The following ZNF442 variants were observed in gnomAD, a reference collection of about 807,000 sequenced individuals.
The protein encoded by ZNF442 is zinc finger protein 442.
In ZNF442, 45 loss-of-function variants were observed where a neutral mutation model predicts 57.0. The observed-to-expected ratio is 0.79, with a 90% CI of 0.62 to 1.01. The LOEUF (loss-of-function observed/expected upper bound fraction) is 1.01. Among genes scored for constraint, ZNF442 ranks in the 50% least tolerant of loss-of-function variants. The probability of loss-of-function intolerance (pLI) is 0.00; values close to 1 mark genes in which losing one functional copy is unlikely to be tolerated. For synonymous variants in ZNF442, 213 were observed against 241.8 expected (o/e 0.88, Z 1.10); for missense variants, 690 against 756.5 (o/e 0.91, Z 1.03).
chr19:12,370,560 C>A (rs1370289059), upstream of ZNF442, among the ~76,000 whole-genome samples: 2 of 151,990 alleles, frequency 1.3e-5, no homozygotes, highest in African/African-American at 2.4e-5. Context: ...TTGAGCAGGC[C>A]TTATCTTATT....
chr19:12,351,095 A>C lies in ZNF442; in HGVS notation c.490T>G (p.Tyr164Asp), dbSNP rs1361270974. ...TCCTGTGTTTGAAAGGAGTGGTGAT[A>C]ATTGAAGGCTGTCCCACATTGTTTA... ...THKQCGTAFN[Y>D]HHSFQTQERP... Residue 164 changes from tyrosine to aspartate, a missense_variant, in exon 6 of 6, where the codon TAT (tyrosine) becomes GAT (aspartate). Coordinates refer to ENST00000242804, the MANE Select transcript of ZNF442 (RefSeq NM_030824.3). The C allele has an allele frequency of 6.2e-7, 1 of 1,614,174 alleles. No individual in the cohort carries two copies. The highest frequency in any genetic ancestry group is 1.7e-5 in the Admixed American group (1 of 60,018).
In ZNF442 at chr19:12,351,007, G is replaced by A. The variant is rs565485040; in HGVS notation, c.578C>T (p.Ser193Leu). The A allele has an allele frequency of 3.2e-5, 52 of 1,613,866 alleles. No individual in the cohort carries two copies. Among genetic ancestry groups the A allele is most frequent in the Middle Eastern group, 1.6e-4 (1 of 6,062 alleles). The change falls in exon 6 of 6, where the codon TCG becomes TTG. Residue 193 changes from serine to leucine, a missense_variant. Coordinates refer to ENST00000242804, the MANE Select transcript of ZNF442 (RefSeq NM_030824.3). ...CKECGKTFSS[S>L]GNLRRHIIVQ... ...TATTATGTGTCTTCGAAGGTTTCCC[G>A]AAGAACTGAAGGTTTTCCCACATTC...
chr19:12,373,517 G>A, the ZNF442 span: 1 of 153,572 alleles, frequency 6.5e-6, no homozygotes, highest in Non-Finnish European at 1.5e-5. Context: ...ACTCCAGCCT[G>A]GGTGACAAAG....
chr19:12,357,702 G>T (rs1277939755), intron 3 of ZNF442, among the ~76,000 whole-genome samples: 1 of 152,022 alleles, frequency 6.6e-6, no homozygotes, highest in Admixed American at 6.6e-5. Context: ...ATCCTGAAAT[G>T]TGCATTCCTT....
the ZNF442 span, chr19:12,373,659 A>G: frequency 3.2e-6 from 1 of 309,024 alleles, no homozygotes; most frequent in Non-Finnish European, 6.6e-6. Context: ...TGATCCGGAA[A>G]TATGGTCTCA....
intron 5 of ZNF442, among the ~76,000 whole-genome samples, chr19:12,351,567 A>G (rs1277464711): frequency 6.6e-6 from 1 of 151,986 alleles, no homozygotes; most frequent in Non-Finnish European, 1.5e-5. Context: ...GTGCAGTGGC[A>G]TGATCTCAGC....
At chr19:12,360,896 A>T (rs140495602) in intron 3 of ZNF442, among the ~76,000 whole-genome samples, 85 of 152,294 alleles carry the variant, frequency 5.6e-4, no homozygotes, top group African/African-American at 2.0e-3. Flanking sequence ...ATAAAAAAAT[A>T]AAAAATAAAG....
chr19:12,351,630 C>T (rs894922972), intron 5 of ZNF442, among the ~76,000 whole-genome samples: 5 of 152,220 alleles, frequency 3.3e-5, no homozygotes, highest in African/African-American at 9.6e-5. Context: ...CTCAGCCGCC[C>T]GAGTAACTGG....
chr19:12,357,176 A>G (rs1311612354), intron 3 of ZNF442, among the ~76,000 whole-genome samples: 2 of 151,584 alleles, frequency 1.3e-5, no homozygotes, highest in African/African-American at 4.9e-5. Context: ...TCAATTAAAT[A>G]TTTTTCATTA....
At chr19:12,364,722 C>CCGCA (rs1969501898) in intron 2 of ZNF442, 80 bp downstream of exon 2, 1 of 152,292 alleles carries the variant, frequency 6.6e-6, no homozygotes. Flanking sequence ...ACTGGGGACC[C>CCGCA]CGCAGACCAC....
chr19:12,352,402 G>A (rs1212092543), intron 4 of ZNF442, among the ~76,000 whole-genome samples: 1 of 152,026 alleles, frequency 6.6e-6, no homozygotes, highest in Non-Finnish European at 1.5e-5. Flanking sequence ...ATTTTTAGTA[G>A]AGACGGGGTT....
At chr19:12,368,870 G>A (rs779911193), upstream of ZNF442, among the ~76,000 whole-genome samples, 2 of 152,126 alleles carry the variant, frequency 1.3e-5, no homozygotes, top group Non-Finnish European at 2.9e-5. Flanking sequence ...ATGGGGCAGA[G>A]GCACTGAAGG....
chr19:12,357,442 C>G (rs1448431285), intron 3 of ZNF442, among the ~76,000 whole-genome samples: 1 of 149,612 alleles, frequency 6.7e-6, no homozygotes, highest in Non-Finnish European at 1.5e-5. Flanking sequence ...ACCTCCACCT[C>G]CTGGGTTCAA....
intron 3 of ZNF442, among the ~76,000 whole-genome samples, chr19:12,361,095 G>A (rs1969417846): frequency 6.6e-6 from 1 of 152,080 alleles, no homozygotes; most frequent in South Asian, 2.1e-4. Flanking sequence ...GGAGGCTGAG[G>A]CAGGAGAATC....
rs2145832989 is a variant in ZNF442, at chr19:12,349,956, T to C, written c.1629A>G (p.Pro543=). Residue 543 remains proline (P), a synonymous_variant, in exon 6 of 6, where the codon CCA becomes CCG. Coordinates refer to ENST00000242804, the MANE Select transcript of ZNF442 (RefSeq NM_030824.3). ...VHERIHTGEK[P]YECKECRKAF... ...CTTTCCTGCATTCCTTACATTCATATGGCTTCTCTCCAGTGTGAATCCTTT... is the reference window on the plus strand; with the variant it reads ...CTTTCCTGCATTCCTTACATTCATACGGCTTCTCTCCAGTGTGAATCCTTT... The C allele has an allele frequency of 6.2e-7, 1 of 1,614,178 alleles. No homozygotes were observed. Among genetic ancestry groups the C allele is most frequent in the Non-Finnish European group, 8.5e-7 (1 of 1,180,014 alleles).
intron 3 of ZNF442, among the ~76,000 whole-genome samples, chr19:12,363,149 G>A (rs1262152364): frequency 1.7e-5 from 2 of 120,990 alleles, no homozygotes; most frequent in East Asian, 2.3e-4. Context: ...ACAGTGCGAA[G>A]CTCCGTCTCA....
At chr19:12,351,594 C>T (rs1375690477) in intron 5 of ZNF442, among the ~76,000 whole-genome samples, 3 of 152,156 alleles carry the variant, frequency 2.0e-5, no homozygotes, top group Non-Finnish European at 4.4e-5. Context: ...CAACCTCCGC[C>T]TCCCAGGTTC....
intron 3 of ZNF442, 97 bp from the exon 4 acceptor site, chr19:12,353,211 C>T: frequency 7.7e-7 from 1 of 1,295,140 alleles, no homozygotes; most frequent in East Asian, 2.5e-5. Context: ...TATTTCTAAG[C>T]AATGATTCAA....
chr19:12,357,123 C>A (rs893211561), intron 3 of ZNF442, among the ~76,000 whole-genome samples: 1 of 152,154 alleles, frequency 6.6e-6, no homozygotes, highest in Non-Finnish European at 1.5e-5. Context: ...ACCTTTTCAT[C>A]GTATTTTCTC....
Sources: allele counts gnomAD v4.1 joint callset (sites outside exome capture counted in the v4.1 genomes callset), GRCh38; gene constraint gnomAD v4.1.1; transcripts MANE v1.5; gene names NCBI Gene and HGNC (gene_info 2026-07-23, HGNC 2026-07-21).